CA10: variants seen among roughly 807,000 people sequenced by gnomAD.
The protein encoded by CA10 is carbonic anhydrase-related protein 10.
In CA10, 14 loss-of-function variants were observed where a neutral mutation model predicts 44.2. The ratio of observed to expected loss-of-function variants is 0.32; its 90% CI spans 0.21 to 0.50. CA10 has a LOEUF of 0.50. CA10 is among the 20% of genes least tolerant of loss of function. The pLI is 0.99. For synonymous variants in CA10, 159 were observed against 141.6 expected (o/e 1.12, Z -0.87); for missense variants, 350 against 409.7 (o/e 0.85, Z 1.26).
At chr17:52,020,315 G>A (rs938472277) in intron 2 of CA10, among the ~76,000 whole-genome samples, 2 of 151,618 alleles carry the variant, frequency 1.3e-5, no homozygotes, top group Non-Finnish European at 2.9e-5. Context: ...TCATTGTTTT[G>A]GGGGGGTGGT....
intron 1 of CA10, among the ~76,000 whole-genome samples, chr17:52,075,028 T>G (rs951821495): frequency 7.2e-5 from 11 of 152,164 alleles, no homozygotes; most frequent in African/African-American, 2.7e-4. Context: ...CAGAGTGGAA[T>G]AGTTATGACA....
At chr17:52,143,565 T>C (rs1989524723) in intron 1 of CA10, among the ~76,000 whole-genome samples, 1 of 152,198 alleles carries the variant, frequency 6.6e-6, no homozygotes, top group African/African-American at 2.4e-5. Context: ...CAGCAACTAA[T>C]GAAATAATGC....
At chr17:51,776,437 G>T (rs1286241917) in intron 3 of CA10, among the ~76,000 whole-genome samples, 1 of 151,938 alleles carries the variant, frequency 6.6e-6, no homozygotes, top group East Asian at 1.9e-4. Context: ...AATAAAACAG[G>T]TAAAATCAGT....
intron 4 of CA10, among the ~76,000 whole-genome samples, chr17:51,707,248 C>T (rs1915789574): frequency 6.6e-6 from 1 of 152,118 alleles, no homozygotes; most frequent in Non-Finnish European, 1.5e-5. Context: ...TTAGTGTGGG[C>T]CAGGCTCCCC....
In CA10 at chr17:52,045,022, A is replaced by T. The variant is rs959221534; in HGVS notation, c.136+27297T>A. Among the ~76,000 whole-genome samples, 6 of 151,882 alleles carry T rather than the reference A, an allele frequency of 4.0e-5. No individual in the cohort carries two copies. In the South Asian group the frequency reaches 6.2e-4, roughly 16 times the overall value. Reference sequence around the variant, plus strand: ...TAAAACCACAATAAGATGCATCATAACAAAATAAATGAAAACCAGAACAAA... The same window carrying T: ...TAAAACCACAATAAGATGCATCATATCAAAATAAATGAAAACCAGAACAAA... On this transcript the variant is annotated intron_variant, in intron 2 of 8. Coordinates refer to ENST00000451037, the MANE Select transcript of CA10 (RefSeq NM_020178.5).
At chr17:51,868,541 C>G (rs1289178756) in intron 3 of CA10, among the ~76,000 whole-genome samples, 4 of 152,210 alleles carry the variant, frequency 2.6e-5, no homozygotes, top group African/African-American at 9.6e-5. Context: ...CTCCACCTGA[C>G]TTTTGTTGAT....
At position 52,110,842 on chromosome 17, in the gene CA10, G is replaced by A. The variant is rs977259870; in HGVS notation, c.62-38449C>T. ...CCTCCATGGCCAAGCAGCTCCCATG[G>A]CCAAGGACAGTTCCACGAAGAATAG... On this transcript the variant is annotated intron_variant, in intron 1 of 8. Coordinates refer to ENST00000451037, the MANE Select transcript of CA10 (RefSeq NM_020178.5). Among the ~76,000 whole-genome samples, 10 of 152,294 alleles carry A rather than the reference G, an allele frequency of 6.6e-5. No homozygotes were observed. In the South Asian group the frequency reaches 1.0e-3, roughly 16 times the overall value.
intron 2 of CA10, among the ~76,000 whole-genome samples, chr17:52,046,937 C>T (rs1239248602): frequency 6.6e-6 from 1 of 151,928 alleles, no homozygotes; most frequent in Non-Finnish European, 1.5e-5. Flanking sequence ...AAAGACCACA[C>T]AGCCATTTCC....
intron 2 of CA10, among the ~76,000 whole-genome samples, chr17:52,064,393 C>CA (rs773687848): frequency 2.6e-5 from 4 of 152,100 alleles, no homozygotes; most frequent in Admixed American, 2.0e-4. Context: ...AAGTAGCAAC[C>CA]AAAAAATCAA....
intron 2 of CA10, among the ~76,000 whole-genome samples, chr17:52,054,372 G>A (rs979381294): frequency 2.6e-5 from 4 of 152,066 alleles, no homozygotes; most frequent in African/African-American, 9.7e-5. Context: ...GGTAAGACTG[G>A]TTGTCTGCTT....
At chr17:51,752,060 T>C (rs942229629) in intron 3 of CA10, among the ~76,000 whole-genome samples, 9 of 152,078 alleles carry the variant, frequency 5.9e-5, no homozygotes, top group African/African-American at 2.2e-4. Context: ...CATTTTCCTA[T>C]GTGTTCTTAC....
In CA10 at chr17:51,707,741, C is replaced by G. The variant is rs146900932; in HGVS notation, c.465+39892G>C. Among the ~76,000 whole-genome samples, 4 of 147,706 alleles carry G rather than the reference C, an allele frequency of 2.7e-5. No individual in the cohort carries two copies. The East Asian group carries it at 8.3e-4, about 31-fold the overall frequency. On this transcript the variant is annotated intron_variant, in intron 4 of 8. Transcript: ENST00000451037. ...CTATCCTTAATCAAGAAAATGGAATCCCTTCTGGAAGACCTCATGACCACA... is the reference window on the plus strand; with the variant it reads ...CTATCCTTAATCAAGAAAATGGAATGCCTTCTGGAAGACCTCATGACCACA...
chr17:51,709,238 A>G (rs1915858030), intron 4 of CA10, among the ~76,000 whole-genome samples: 1 of 152,258 alleles, frequency 6.6e-6, no homozygotes, highest in African/African-American at 2.4e-5. Context: ...CAAGATGAAC[A>G]AATCCCTCTC....
chr17:51,801,582 A>G (rs896662672), intron 3 of CA10, among the ~76,000 whole-genome samples: 5 of 152,202 alleles, frequency 3.3e-5, no homozygotes, highest in Admixed American at 3.3e-4. Flanking sequence ...CAATGAAAAA[A>G]AAAAGTGTGA....
intron 4 of CA10, among the ~76,000 whole-genome samples, chr17:51,707,430 G>C (rs909558389): frequency 2.0e-5 from 3 of 152,040 alleles, no homozygotes; most frequent in African/African-American, 7.3e-5. Flanking sequence ...TAAATATTTG[G>C]TTACTCACCT....
intron 3 of CA10, among the ~76,000 whole-genome samples, chr17:51,823,888 T>C (rs192750826): frequency 1.0e-3 from 154 of 152,356 alleles, no homozygotes; most frequent in Non-Finnish European, 1.9e-3. Context: ...ACTGTCTCAC[T>C]TATTCCTCTT....
intron 1 of CA10, among the ~76,000 whole-genome samples, chr17:52,121,009 G>C (rs1322616863): frequency 6.6e-6 from 1 of 152,174 alleles, no homozygotes; most frequent in African/African-American, 2.4e-5. Context: ...CTGCTCAAAT[G>C]ATGACTACAT....
intron 2 of CA10, among the ~76,000 whole-genome samples, chr17:52,051,636 A>G (rs1394735903): frequency 6.6e-6 from 1 of 152,110 alleles, no homozygotes; most frequent in Admixed American, 6.6e-5. Flanking sequence ...GTCAAAATAT[A>G]ACATATGCTG....
At chr17:52,049,010 A>G (rs1986987908) in intron 2 of CA10, among the ~76,000 whole-genome samples, 1 of 152,154 alleles carries the variant, frequency 6.6e-6, no homozygotes, top group African/African-American at 2.4e-5. Context: ...GCCTGAAACC[A>G]CAATGGTAGC....
Sources: allele counts gnomAD v4.1 joint callset (sites outside exome capture counted in the v4.1 genomes callset), GRCh38; gene constraint gnomAD v4.1.1; transcripts MANE v1.5; gene names NCBI Gene and HGNC (gene_info 2026-07-23, HGNC 2026-07-21).